CSMD1: variants seen among roughly 807,000 people sequenced by gnomAD.
CSMD1 encodes CUB and sushi domain-containing protein 1.
In CSMD1, 213 loss-of-function variants were observed where a neutral mutation model predicts 417.5. That is an observed-to-expected ratio of 0.51 (90% CI 0.46 to 0.57). The LOEUF (loss-of-function observed/expected upper bound fraction) is 0.57, where lower values mean the gene tolerates loss of function less well. CSMD1 is among the 20% of genes least tolerant of loss of function. CSMD1 has a pLI of 0.00. For synonymous variants in CSMD1, 2,862 were observed against 1,736.8 expected, an observed-to-expected ratio of 1.65 and a Z score of -16.11; for missense variants, 6,923 against 4,529.7, an observed-to-expected ratio of 1.53 and a Z score of -15.17.
At chr8:4,295,148 G>T (rs531381480) in intron 3 of CSMD1, among the ~76,000 whole-genome samples, 1 of 142,244 alleles carries the variant, frequency 7.0e-6, no homozygotes, top group African/African-American at 2.6e-5. Flanking sequence ...ATAATCTTAA[G>T]ATTACGCACA....
chr8:4,552,600 A>T (rs541711180), intron 2 of CSMD1, among the ~76,000 whole-genome samples: 1 of 152,118 alleles, frequency 6.6e-6, no homozygotes, highest in Non-Finnish European at 1.5e-5. Context: ...GGACTTCTGG[A>T]ATCACAGTGA....
At chr8:4,377,573 G>A (rs1042949542) in intron 3 of CSMD1, among the ~76,000 whole-genome samples, 24 of 152,144 alleles carry the variant, frequency 1.6e-4, no homozygotes, top group Admixed American at 1.4e-3. Context: ...TGGACTTTGC[G>A]AAGAAGCCAA....
At chr8:4,297,593 T>C (rs1311305488) in intron 3 of CSMD1, among the ~76,000 whole-genome samples, 1 of 152,140 alleles carries the variant, frequency 6.6e-6, no homozygotes, top group Non-Finnish European at 1.5e-5. Flanking sequence ...TGTTTAAAAT[T>C]CCTGTAAGGC....
intron 2 of CSMD1, among the ~76,000 whole-genome samples, chr8:4,494,060 C>A (rs1208838952): frequency 6.6e-6 from 1 of 152,068 alleles, no homozygotes; most frequent in Non-Finnish European, 1.5e-5. Flanking sequence ...ATTCTTGGGT[C>A]CCATCCTATC....
intron 5 of CSMD1, among the ~76,000 whole-genome samples, chr8:3,893,865 A>T (rs1358339002): frequency 6.6e-6 from 1 of 152,108 alleles, no homozygotes; most frequent in East Asian, 1.9e-4. Context: ...AGTAAAAAAC[A>T]CACCCCTGGT....
At chr8:3,556,680 C>G (rs543633671) in intron 10 of CSMD1, among the ~76,000 whole-genome samples, 1 of 152,024 alleles carries the variant, frequency 6.6e-6, no homozygotes, top group South Asian at 2.1e-4. Context: ...TTGCGTCTCT[C>G]TACTGTAAGC....
chr8:3,462,969 G>A (rs1816601313), intron 12 of CSMD1, among the ~76,000 whole-genome samples: 1 of 152,200 alleles, frequency 6.6e-6, no homozygotes. Flanking sequence ...GGATGTCCAG[G>A]CTTGTGGCCT....
chr8:3,458,386 C>T (rs73174849), intron 12 of CSMD1, among the ~76,000 whole-genome samples: 1 of 151,972 alleles, frequency 6.6e-6, no homozygotes, highest in Non-Finnish European at 1.5e-5. Flanking sequence ...CAATATAACT[C>T]AGAAAAAAAT....
chr8:3,725,480 T>C (rs1030982725), intron 6 of CSMD1, among the ~76,000 whole-genome samples: 2 of 152,150 alleles, frequency 1.3e-5, no homozygotes, highest in Non-Finnish European at 2.9e-5. Context: ...ATACCGGTGC[T>C]GATTTTGTGG....
intron 26 of CSMD1, among the ~76,000 whole-genome samples, chr8:3,275,495 G>T (rs1215270717): frequency 6.6e-6 from 1 of 152,184 alleles, no homozygotes; most frequent in Non-Finnish European, 1.5e-5. Context: ...GATTGGGGAA[G>T]TTCTCCTGGA....
intron 1 of CSMD1, among the ~76,000 whole-genome samples, chr8:4,892,200 T>C (rs1054663293): frequency 3.9e-5 from 6 of 152,154 alleles, no homozygotes; most frequent in African/African-American, 1.4e-4. Context: ...TTTTCAAGAT[T>C]CTTTCAGGCC....
intron 1 of CSMD1, among the ~76,000 whole-genome samples, chr8:4,751,929 C>T (rs1407864986): frequency 6.6e-6 from 1 of 152,078 alleles, no homozygotes; most frequent in Non-Finnish European, 1.5e-5. Context: ...TCAGGAAGAT[C>T]CATGTAATCT....
chr8:4,437,561 C>A (rs905363748), intron 2 of CSMD1, among the ~76,000 whole-genome samples: 6 of 152,184 alleles, frequency 3.9e-5, no homozygotes, highest in African/African-American at 1.4e-4. Flanking sequence ...CTGCAGATAT[C>A]TTGAGCAGAC....
chr8:4,242,508 T>G (rs1478216274), intron 3 of CSMD1, among the ~76,000 whole-genome samples: 1 of 152,240 alleles, frequency 6.6e-6, no homozygotes, highest in Non-Finnish European at 1.5e-5. Context: ...TTCATATTTA[T>G]TAAGTATCTT....
chr8:4,920,944 AAG>A (rs1806425712), intron 1 of CSMD1, among the ~76,000 whole-genome samples: 1 of 7,822 alleles, frequency 1.3e-4, no homozygotes, highest in Non-Finnish European at 4.4e-4. Context: ...GAAAGAAAGA[AAG>A]AAAGAAAGAA....
chr8:4,674,747 C>G (rs1276764840), intron 1 of CSMD1, among the ~76,000 whole-genome samples: 2 of 152,014 alleles, frequency 1.3e-5, no homozygotes, highest in Non-Finnish European at 2.9e-5. Context: ...GCAAGGTTTC[C>G]TGGCCTAGAG....
chr8:3,998,153 G>T, intron 4 of CSMD1, 43 bp from the exon 5 acceptor site: 1 of 1,513,436 alleles, frequency 6.6e-7, no homozygotes, highest in Non-Finnish European at 9.0e-7. Flanking sequence ...ATTTCAGGAT[G>T]GTTTTCATAC....
intron 1 of CSMD1, among the ~76,000 whole-genome samples, chr8:4,956,510 T>C (rs1165234508): frequency 2.7e-5 from 4 of 148,948 alleles, no homozygotes; most frequent in Non-Finnish European, 5.9e-5. Context: ...TGTTATCATA[T>C]ACACACGTAT....
intron 2 of CSMD1, among the ~76,000 whole-genome samples, chr8:4,541,661 G>A (rs895506615): frequency 6.6e-6 from 1 of 152,040 alleles, no homozygotes; most frequent in Non-Finnish European, 1.5e-5. Flanking sequence ...CTTGAACCAA[G>A]GAGGCTGAGG....
Sources: gnomAD v4.1 joint callset for allele counts (sites outside exome capture counted in the v4.1 genomes callset) on GRCh38, gnomAD v4.1.1 for gene constraint, MANE v1.5 for transcripts, NCBI Gene and HGNC (gene_info 2026-07-23, HGNC 2026-07-21) for gene names.